SUPT5H: variants seen among roughly 807,000 people sequenced by gnomAD.
SUPT5H encodes the protein SPT5 homolog, DSIF elongation factor subunit, also known as transcription elongation factor SPT5.
SUPT5H carries 24 observed loss-of-function variants against 142.5 expected under a neutral mutation model. The observed-to-expected ratio is 0.17, with a 90% CI of 0.12 to 0.24. The LOEUF (loss-of-function observed/expected upper bound fraction) is 0.24, where lower values mean the gene tolerates loss of function less well. Ranked by LOEUF, SUPT5H falls within the 10% of genes least tolerant of loss-of-function variation. The pLI is 1.00. For missense variants in SUPT5H, 893 were observed against 1,471.8 expected, an observed-to-expected ratio of 0.61 and a Z score of 6.43; for synonymous variants, 546 against 553.0, an observed-to-expected ratio of 0.99 and a Z score of 0.18.
At chr19:39,465,192 C>G (rs2079218729) in intron 11 of SUPT5H, 143 bp downstream of exon 11, 2 of 1,277,126 alleles carry the variant, frequency 1.6e-6, no homozygotes, top group South Asian at 2.9e-5. Context: ...GTTTTGTGAG[C>G]ACACAGGAAA....
chr19:39,456,824 G>A (rs1446074413), intron 3 of SUPT5H, among the ~76,000 whole-genome samples: 2 of 152,184 alleles, frequency 1.3e-5, no homozygotes, highest in Non-Finnish European at 2.9e-5. Flanking sequence ...CTCCCAAAGT[G>A]TTGAGATTAC....
chr19:39,473,999 G>C lies in SUPT5H; in HGVS notation c.2529G>C (p.Glu843Asp), dbSNP rs781285736. The C allele has an allele frequency of 2.5e-6, 4 of 1,613,878 alleles. 1 individual carries two copies. The highest frequency in any genetic ancestry group is 1.7e-4 in the Middle Eastern group (1 of 6,058). ...EEEYEYAFDD[E>D]PTPSPQAYGG... ...AATATGAGTATGCTTTCGATGATGA[G>C]CCCACCCCGTCCCCGCAGGCCTATG... The change falls in exon 26 of 30, where the codon GAG becomes GAC. Residue 843 changes from glutamate to aspartate, a missense_variant. Coordinates refer to ENST00000432763, the MANE Select transcript of SUPT5H (RefSeq NM_001111020.3). The surrounding 1 kb of genome is among the most constrained non-coding windows in gnomAD (Gnocchi z 5.8).
In SUPT5H at chr19:39,472,705, T is replaced by G. The variant is rs970082550; in HGVS notation, c.2036-105T>G. On this transcript the variant is annotated intron_variant, in intron 21 of 29. Transcript: ENST00000432763. The surrounding 1 kb of genome is among the most constrained non-coding windows in gnomAD (Gnocchi z 4.2). Reference sequence around the variant, plus strand: ...GGGCAGGGGTGGGCAGAGGAGGCTCTTAACCCAAGTAGGGAGGAGTCAAGC... The same window carrying G: ...GGGCAGGGGTGGGCAGAGGAGGCTCGTAACCCAAGTAGGGAGGAGTCAAGC... 6 of 1,491,502 alleles carry G rather than the reference T, an allele frequency of 4.0e-6. No individual in the cohort carries two copies. The highest frequency in any genetic ancestry group is 5.4e-6 in the Non-Finnish European group (6 of 1,116,346). The allele number at this position is 1,491,502 out of a possible 1,614,324, so 92.4% of individuals were successfully genotyped here.
chr19:39,460,947 A>G (rs553020223), intron 10 of SUPT5H, among the ~76,000 whole-genome samples: 2 of 152,234 alleles, frequency 1.3e-5, no homozygotes, highest in East Asian at 3.9e-4. Flanking sequence ...AGACAGTTGT[A>G]GGGTTTGCAA....
intron 3 of SUPT5H, among the ~76,000 whole-genome samples, chr19:39,453,869 T>C (rs2079052261): frequency 6.6e-6 from 1 of 152,234 alleles, no homozygotes; most frequent in Non-Finnish European, 1.5e-5. Context: ...TTCTTAACTT[T>C]TCTCGTGCTA....
In SUPT5H at chr19:39,469,660, A is replaced by T; in HGVS notation, c.1374+262A>T. 1.8e-6 allele frequency: 1 copy of T among 569,616 alleles called. No individual in the cohort carries two copies. The highest frequency in any genetic ancestry group is 3.0e-5 in the East Asian group (1 of 33,228). The allele number at this position is 569,616 out of a possible 1,614,324, so 35.3% of individuals were successfully genotyped here. A position where few individuals can be genotyped will look rare whatever the true frequency, so the allele number is the denominator to read the frequency against. On this transcript the variant is annotated intron_variant, in intron 16 of 29. Transcript: ENST00000432763. The surrounding 1 kb of genome is among the most constrained non-coding windows in gnomAD (Gnocchi z 5.1). ...CTGAAAAGCAAGATATCTGGGTAGT[A>T]CTGGGTTGAGAGTGTGATTAACCAA...
In SUPT5H at chr19:39,458,568, G is replaced by A. The variant is rs1192296924; in HGVS notation, c.320-250G>A. 6.8e-6 allele frequency: 5 copies of A among 735,088 alleles called. No individual in the cohort carries two copies. The highest frequency in any genetic ancestry group is 1.1e-5 in the Non-Finnish European group (5 of 453,500). 45.5% of individuals were successfully genotyped at this position (735,088 alleles called of 1,614,324 possible). ...TGTGGGGTGGGGTGCAGTCCAGGGT[G>A]TGCCTGGACTTTGAGATGGGAACAG... On this transcript the variant is annotated intron_variant, in intron 5 of 29. Transcript: ENST00000432763. The surrounding 1 kb of genome is among the most constrained non-coding windows in gnomAD (Gnocchi z 4.2).
At chr19:39,461,595 T>C (rs1333118455) in intron 10 of SUPT5H, among the ~76,000 whole-genome samples, 1 of 151,988 alleles carries the variant, frequency 6.6e-6, no homozygotes, top group Non-Finnish European at 1.5e-5. Context: ...GACTGAGGCG[T>C]GTGGATCACC....
chr19:39,476,487 G>A lies in SUPT5H; in HGVS notation c.*88G>A, dbSNP rs2079408344. On this transcript the variant is annotated 3_prime_UTR_variant, in exon 30 of 30. Coordinates refer to ENST00000432763, the MANE Select transcript of SUPT5H (RefSeq NM_001111020.3). ...GGCTGTGACACAAGATCCTCCTGCA[G>A]GGCTAGGCGGATTGTTCTGGATTTC... 2.0e-6 allele frequency: 3 copies of A among 1,504,568 alleles called. No homozygotes were observed. The Admixed American group carries it at 5.5e-5, about 28-fold the overall frequency. The allele number at this position is 1,504,568 out of a possible 1,614,324, so 93.2% of individuals were successfully genotyped here. A position where few individuals can be genotyped will look rare whatever the true frequency, so the allele number is the denominator to read the frequency against.
In SUPT5H at chr19:39,472,328, C is replaced by G. The variant is rs2079332027; in HGVS notation, c.1951-81C>G. The G allele has an allele frequency of 7.1e-7, 1 of 1,415,466 alleles. No homozygotes were observed. The highest frequency in any genetic ancestry group is 9.9e-7 in the Non-Finnish European group (1 of 1,005,872). 87.7% of individuals were successfully genotyped at this position (1,415,466 alleles called of 1,614,324 possible). A position where few individuals can be genotyped will look rare whatever the true frequency, so the allele number is the denominator to read the frequency against. ...GTGGCTGGGTGGTCTCCTCAGGGCC[C>G]TGCACGTGGGATGATGAGTTCCTGT... On this transcript the variant is annotated intron_variant, in intron 20 of 29. Coordinates refer to ENST00000432763, the MANE Select transcript of SUPT5H (RefSeq NM_001111020.3). This position sits in a 1 kb window ranked among gnomAD's most constrained non-coding sequence, Gnocchi z 4.2.
chr19:39,463,981 G>A (rs1055687118), intron 10 of SUPT5H, among the ~76,000 whole-genome samples: 7 of 143,638 alleles, frequency 4.9e-5, no homozygotes, highest in Admixed American at 2.1e-4. Flanking sequence ...TCTTCTTCTA[G>A]TTGCTTTTTT....
At position 39,469,420 on chromosome 19, in the gene SUPT5H, G is replaced by A. The variant is rs780703808; in HGVS notation, c.1374+22G>A. ...CAAGGTGGGTGCCCGGTGTTCTCGG[G>A]CAGGGGTTGGAGTGTTCAGGCACAT... On this transcript the variant is annotated intron_variant, in intron 16 of 29. Coordinates refer to ENST00000432763, the MANE Select transcript of SUPT5H (RefSeq NM_001111020.3). The surrounding 1 kb of genome is among the most constrained non-coding windows in gnomAD (Gnocchi z 5.1). 6.2e-7 allele frequency: 1 copy of A among 1,614,128 alleles called. No homozygotes were observed. The highest frequency in any genetic ancestry group is 8.5e-7 in the Non-Finnish European group (1 of 1,180,008).
Position 39,457,186 on chromosome 19 carries a change from A to G in SUPT5H, c.242-489A>G, listed in dbSNP as rs139948799. Reference sequence around the variant, plus strand: ...TGGGTCTCAGAGCCTTTGCTGTAAAATAGGAACAACGATAGTGCCTCCCTC... The same window carrying G: ...TGGGTCTCAGAGCCTTTGCTGTAAAGTAGGAACAACGATAGTGCCTCCCTC... On this transcript the variant is annotated intron_variant, in intron 3 of 29. Transcript: ENST00000432763. 2.0e-5 allele frequency among the ~76,000 whole-genome samples: 3 copies of G among 152,316 alleles called. No homozygotes were observed. In the East Asian group the frequency reaches 5.8e-4, roughly 29 times the overall value.
At chr19:39,460,019 CA>C (rs2079141285) in intron 10 of SUPT5H, 59 bp downstream of exon 10, 2 of 1,571,146 alleles carry the variant, frequency 1.3e-6, no homozygotes, top group Non-Finnish European at 1.8e-6. Flanking sequence ...GAGGGAAGAA[CA>C]TTGTCAACTT....
chr19:39,457,663 T>C lies in SUPT5H; in HGVS notation c.242-12T>C. ...CACCTTTGCCACTTACCACTTGGCC[T>C]TTCCGTTTTAGATGTTGACGATGAG... On this transcript the variant is annotated splice_polypyrimidine_tract_variant and intron_variant, in intron 3 of 29. Transcript: ENST00000432763. The C allele has an allele frequency of 6.2e-7, 1 of 1,612,698 alleles. No homozygotes were observed. Among genetic ancestry groups the C allele is most frequent in the Non-Finnish European group, 8.5e-7 (1 of 1,178,846 alleles).
Position 39,458,387 on chromosome 19 carries a change from G to A in SUPT5H, c.319+82G>A, listed in dbSNP as rs200439200. On this transcript the variant is annotated intron_variant, in intron 5 of 29. Coordinates refer to ENST00000432763, the MANE Select transcript of SUPT5H (RefSeq NM_001111020.3). The surrounding 1 kb of genome is among the most constrained non-coding windows in gnomAD (Gnocchi z 4.2). ...CCTTCCTGAGGCACCTGCCCTCACC[G>A]GTAGCCTCCCCACCAGCCCCGGTCT... 75 of 1,597,196 alleles carry A rather than the reference G, an allele frequency of 4.7e-5. 1 individual carries two copies. In the East Asian group the frequency reaches 1.5e-3, roughly 31 times the overall value.
At chr19:39,468,535 T>C in intron 13 of SUPT5H, 1 of 578,064 alleles carries the variant, frequency 1.7e-6, no homozygotes, top group Non-Finnish European at 3.1e-6. Flanking sequence ...TGATCGGTGC[T>C]CAAAGATAAA....
At chr19:39,465,105 C>A (rs1271599946) in intron 11 of SUPT5H, 56 bp downstream of exon 11, 5 of 1,562,844 alleles carry the variant, frequency 3.2e-6, no homozygotes, top group African/African-American at 1.4e-5. Flanking sequence ...TTCTCCCTTC[C>A]TTTCCTTTTG....
Position 39,475,600 on chromosome 19 carries a change from G to A in SUPT5H, c.3025-481G>A, listed in dbSNP as rs981879912. Among the ~76,000 whole-genome samples the A allele has an allele frequency of 5.9e-5, 9 of 152,102 alleles. 1 individual carries two copies. Among genetic ancestry groups the A allele is most frequent in the Admixed American group, 1.3e-4 (2 of 15,266 alleles). On this transcript the variant is annotated intron_variant, in intron 28 of 29. Transcript: ENST00000432763. ...AGACTGGGCTGGGACCCCAGGGGGA[G>A]GTTGGGCTGCACTGGGGCAGGGCTG...
Sources: gnomAD v4.1 joint callset for allele counts (sites outside exome capture counted in the v4.1 genomes callset) on GRCh38, gnomAD v4.1.1 for gene constraint, Gnocchi (gnomAD v3.1) non-coding constraint, MANE v1.5 for transcripts, NCBI Gene and HGNC (gene_info 2026-07-23, HGNC 2026-07-21) for gene names.